HSD11B1: variants seen among roughly 807,000 people sequenced by gnomAD.
The protein encoded by HSD11B1 is hydroxysteroid 11-beta dehydrogenase 1.
A neutral mutation model predicts 22.1 loss-of-function variants in HSD11B1; 15 were observed. That is an observed-to-expected ratio of 0.68 (90% confidence interval 0.45 to 1.04). HSD11B1 has a LOEUF of 1.04. Among genes scored for constraint, HSD11B1 ranks in the 50% least tolerant of loss-of-function variants. The pLI, the probability that HSD11B1 is intolerant of heterozygous loss-of-function variation, is 0.00. For missense variants in HSD11B1, 281 were observed against 357.6 expected, an observed-to-expected ratio of 0.79 and a Z score of 1.73; for synonymous variants, 122 against 125.2, an observed-to-expected ratio of 0.97 and a Z score of 0.17.
At chr1:209,688,321 C>T (rs2076739925) in intron 1 of HSD11B1, among the ~76,000 whole-genome samples, 1 of 152,196 alleles carries the variant, frequency 6.6e-6, no homozygotes, top group Admixed American at 6.5e-5. Context: ...TCCCAGAGCC[C>T]TTTCCTGCTG....
chr1:209,734,434 C>T lies in HSD11B1; in HGVS notation c.792C>T (p.Thr264=). Residue 264 remains threonine, a synonymous_variant, in exon 6 of 6, where the codon ACC becomes ACT. Transcript: ENST00000367027. ...EEVYYDSSLW[T]TLLIRNPCRK... is the part of the protein sequence containing the mutation. ...TGTATTATGACAGCTCACTCTGGAC[C>T]ACTCTTCTGATCAGAAATCCATGCA... 1.2e-6 allele frequency: 2 copies of T among 1,614,078 alleles called. No homozygotes were observed. Among genetic ancestry groups the T allele is most frequent in the Non-Finnish European group, 1.7e-6 (2 of 1,179,958 alleles).
intron 1 of HSD11B1, 63 bp from the exon 2 acceptor site, chr1:209,705,748 G>C: frequency 1.9e-6 from 3 of 1,606,286 alleles, no homozygotes; most frequent in Non-Finnish European, 2.6e-6. Flanking sequence ...TATATCCAGA[G>C]AGGGAGAAGG....
rs1250950548 is a variant in HSD11B1, at chr1:209,727,729, C to T, written c.518-4707C>T. Among the ~76,000 whole-genome samples, 3 of 152,240 alleles carry T rather than the reference C, an allele frequency of 2.0e-5. No homozygotes were observed. The East Asian group carries it at 5.8e-4, about 29-fold the overall frequency. On this transcript the variant is annotated intron_variant, in intron 4 of 5. Transcript: ENST00000367027. ...GAGCATTTATCCTTTAGATTCTACA[C>T]TGGCACATAAGAGCTAAATAAATGT...
Position 209,734,397 on chromosome 1 carries a change from G to C in HSD11B1, c.755G>C (p.Arg252Pro). ...ALEIIKGGAL[R>P]QEEVYYDSSL... ...GAGATCATCAAAGGGGGAGCTCTGC[G>C]CCAAGAAGAAGTGTATTATGACAGC... Residue 252 changes from arginine (R) to proline (P), a missense_variant, in exon 6 of 6, where the codon CGC (arginine) becomes CCC (proline). Coordinates refer to ENST00000367027, the MANE Select transcript of HSD11B1 (RefSeq NM_005525.4). The C allele has an allele frequency of 6.2e-7, 1 of 1,614,120 alleles. No homozygotes were observed. Among genetic ancestry groups the C allele is most frequent in the Non-Finnish European group, 8.5e-7 (1 of 1,179,992 alleles).
intron 4 of HSD11B1, among the ~76,000 whole-genome samples, chr1:209,716,322 C>T (rs1027145535): frequency 6.8e-6 from 1 of 147,030 alleles, no homozygotes; most frequent in Middle Eastern, 3.2e-3. Context: ...AAACCATTTA[C>T]AATAGCTACA....
intron 4 of HSD11B1, among the ~76,000 whole-genome samples, chr1:209,719,042 G>GA (rs1247358822): frequency 1.5e-5 from 1 of 65,796 alleles, no homozygotes; most frequent in African/African-American, 6.1e-5. Context: ...AAAAAGGAAA[G>GA]AAAAGAAAAG....
chr1:209,734,283 T>C (rs2077053645), intron 5 of HSD11B1, 21 bp from the exon 6 acceptor site: 1 of 1,593,810 alleles, frequency 6.3e-7, no homozygotes. Flanking sequence ...ATAACCCTAC[T>C]CTTCCCTTGT....
chr1:209,704,833 C>G, upstream of HSD11B1: 5 of 810,656 alleles, frequency 6.2e-6, no homozygotes, highest in Non-Finnish European at 8.6e-6. Flanking sequence ...CAGCCTCCCC[C>G]GTCCCTGATG....
At chr1:209,698,439 T>C (rs892122203) in intron 1 of HSD11B1, among the ~76,000 whole-genome samples, 5 of 152,162 alleles carry the variant, frequency 3.3e-5, no homozygotes, top group Admixed American at 2.0e-4. Flanking sequence ...GGGGCTGTGG[T>C]GTCACCCTAG....
At chr1:209,729,275 C>T (rs1455602756) in intron 4 of HSD11B1, among the ~76,000 whole-genome samples, 1 of 151,968 alleles carries the variant, frequency 6.6e-6, no homozygotes, top group Non-Finnish European at 1.5e-5. Context: ...AGAAGAATCA[C>T]TAGAACTTGG....
chr1:209,727,006 G>T (rs182142582), intron 4 of HSD11B1, among the ~76,000 whole-genome samples: 1 of 152,190 alleles, frequency 6.6e-6, no homozygotes, highest in Non-Finnish European at 1.5e-5. Context: ...CCTAGATCCT[G>T]TGAACGTGAC....
chr1:209,698,166 AT>A (rs1204146199), intron 1 of HSD11B1, among the ~76,000 whole-genome samples: 5 of 113,238 alleles, frequency 4.4e-5, no homozygotes, highest in Admixed American at 2.0e-4. Context: ...AGATAGATAG[AT>A]TAGATAGATA....
Position 209,709,974 on chromosome 1 carries a change from A to AC in HSD11B1, c.517+2846_517+2847insC, listed in dbSNP as rs1558192081. On this transcript the variant is annotated intron_variant, in intron 4 of 5. Coordinates refer to ENST00000367027, the MANE Select transcript of HSD11B1 (RefSeq NM_005525.4). ...CACACACACACACACACACACACAC[A>AC]AAAGACTCATTCCCTCTCACATTCA... 2.7e-5 allele frequency among the ~76,000 whole-genome samples: 4 copies of AC among 150,022 alleles called. No homozygotes were observed. In the East Asian group the frequency reaches 5.9e-4, roughly 22 times the overall value.
intron 4 of HSD11B1, among the ~76,000 whole-genome samples, chr1:209,719,270 A>G (rs905919210): frequency 6.6e-6 from 1 of 152,202 alleles, no homozygotes; most frequent in African/African-American, 2.4e-5. Context: ...CCTTGAGGAC[A>G]TCATGCAAAG....
At chr1:209,726,896 C>T (rs1432480115) in intron 4 of HSD11B1, among the ~76,000 whole-genome samples, 1 of 152,130 alleles carries the variant, frequency 6.6e-6, no homozygotes, top group Non-Finnish European at 1.5e-5. Context: ...TCTCTGTTGC[C>T]ACCTAGACAA....
intron 4 of HSD11B1, among the ~76,000 whole-genome samples, chr1:209,729,275 C>G (rs1455602756): frequency 2.0e-5 from 3 of 151,968 alleles, no homozygotes; most frequent in Non-Finnish European, 2.9e-5. Context: ...AGAAGAATCA[C>G]TAGAACTTGG....
At chr1:209,734,181 G>A in intron 5 of HSD11B1, 123 bp from the exon 6 acceptor site, 1 of 744,920 alleles carries the variant, frequency 1.3e-6, no homozygotes, top group Non-Finnish European at 2.3e-6. Context: ...TATAGTGCCT[G>A]TGAGGCTTGC....
At chr1:209,692,230 G>A (rs577265785) in intron 1 of HSD11B1, among the ~76,000 whole-genome samples, 8 of 152,166 alleles carry the variant, frequency 5.3e-5, no homozygotes, top group East Asian at 1.9e-4. Context: ...GTAGAAGTTC[G>A]GACCGGTATG....
chr1:209,714,215 A>G (rs1229115851), intron 4 of HSD11B1, among the ~76,000 whole-genome samples: 1 of 152,262 alleles, frequency 6.6e-6, no homozygotes, highest in Non-Finnish European at 1.5e-5. Flanking sequence ...AACAAAAACT[A>G]GAAACAACCT....
Sources: allele counts gnomAD v4.1 joint callset (sites outside exome capture counted in the v4.1 genomes callset), GRCh38; gene constraint gnomAD v4.1.1; transcripts MANE v1.5; gene names NCBI Gene and HGNC (gene_info 2026-07-23, HGNC 2026-07-21).